The following CERS6 variants were observed in gnomAD, a reference collection of about 807,000 sequenced individuals.
CERS6 encodes the protein ceramide synthase 6.
Under a neutral mutation model 56.8 loss-of-function variants are expected in CERS6, and 26 were observed. The observed-to-expected ratio is 0.46, with a 90% CI of 0.34 to 0.63. CERS6 has a LOEUF of 0.63. Ranked by LOEUF, CERS6 falls within the 30% of genes least tolerant of loss-of-function variation. The probability of loss-of-function intolerance (pLI) is 0.01; values close to 1 mark genes in which losing one functional copy is unlikely to be tolerated. For missense variants in CERS6, 415 were observed against 467.5 expected (o/e 0.89, Z 1.04); for synonymous variants, 164 against 173.3 (o/e 0.95, Z 0.42).
intron 6 of CERS6, among the ~76,000 whole-genome samples, chr2:168,706,434 C>G (rs2105378355): frequency 6.6e-6 from 1 of 152,292 alleles, no homozygotes; most frequent in Non-Finnish European, 1.5e-5. Flanking sequence ...TGGGTAAACT[C>G]TGCTTATACA....
At chr2:168,744,198 G>A (rs950640118) in intron 8 of CERS6, among the ~76,000 whole-genome samples, 1 of 151,356 alleles carries the variant, frequency 6.6e-6, no homozygotes, top group Non-Finnish European at 1.5e-5. Flanking sequence ...GTAGAGACGG[G>A]GTTTCACCGT....
chr2:168,550,579 G>A (rs1479746082), intron 2 of CERS6, among the ~76,000 whole-genome samples: 1 of 152,200 alleles, frequency 6.6e-6, no homozygotes, highest in East Asian at 1.9e-4. Flanking sequence ...GCCCCACCCT[G>A]TGACTTAGTG....
intron 2 of CERS6, among the ~76,000 whole-genome samples, chr2:168,560,849 C>T (rs1428704241): frequency 6.6e-6 from 1 of 152,032 alleles, no homozygotes; most frequent in African/African-American, 2.4e-5. Context: ...CAATGGACTC[C>T]CTTCCTTTGA....
chr2:168,609,185 A>T (rs1187158987), intron 3 of CERS6, among the ~76,000 whole-genome samples: 1 of 152,068 alleles, frequency 6.6e-6, no homozygotes, highest in Non-Finnish European at 1.5e-5. Flanking sequence ...TTTCTTACTG[A>T]TTGCCTCCCC....
intron 4 of CERS6, among the ~76,000 whole-genome samples, chr2:168,640,014 C>T (rs1574120600): frequency 2.0e-5 from 3 of 152,172 alleles, no homozygotes; most frequent in South Asian, 4.2e-4. Context: ...ACAAGGTGAC[C>T]ATTTTGTGCC....
chr2:168,743,703 A>G (rs1418368774), intron 8 of CERS6, among the ~76,000 whole-genome samples: 1 of 152,186 alleles, frequency 6.6e-6, no homozygotes, highest in Non-Finnish European at 1.5e-5. Context: ...TTTGTTAAGT[A>G]AAAGTCTGTA....
intron 6 of CERS6, among the ~76,000 whole-genome samples, chr2:168,709,424 G>T (rs1687035132): frequency 1.3e-5 from 2 of 151,988 alleles, no homozygotes; most frequent in South Asian, 4.1e-4. Context: ...TTTCCCCCTT[G>T]TCTCTGATAA....
intron 1 of CERS6, among the ~76,000 whole-genome samples, chr2:168,544,647 C>G (rs1441107162): frequency 6.6e-6 from 1 of 152,190 alleles, no homozygotes; most frequent in African/African-American, 2.4e-5. Flanking sequence ...CCCGATCACA[C>G]TGCTGGTATG....
At chr2:168,758,340 T>C (rs909358970) in intron 8 of CERS6, among the ~76,000 whole-genome samples, 1 of 152,242 alleles carries the variant, frequency 6.6e-6, no homozygotes, top group Non-Finnish European at 1.5e-5. Context: ...TGACATTCTG[T>C]AGCACTCCTT....
At chr2:168,720,198 G>A (rs1687327293) in intron 8 of CERS6, among the ~76,000 whole-genome samples, 1 of 151,722 alleles carries the variant, frequency 6.6e-6, no homozygotes. Flanking sequence ...CCAAAGTGCT[G>A]GGATTACAGG....
At chr2:168,503,603 G>A (rs1694622823) in intron 1 of CERS6, among the ~76,000 whole-genome samples, 1 of 152,170 alleles carries the variant, frequency 6.6e-6, no homozygotes, top group Non-Finnish European at 1.5e-5. Context: ...CAGTTCTTGA[G>A]CTATGGAGTC....
At chr2:168,626,307 C>G (rs1483389257) in intron 3 of CERS6, among the ~76,000 whole-genome samples, 1 of 152,056 alleles carries the variant, frequency 6.6e-6, no homozygotes, top group East Asian at 1.9e-4. Context: ...CCCTGGTCTC[C>G]CTAGAACATG....
At position 168,631,049 on chromosome 2, in the gene CERS6, T is replaced by G. The variant is rs769827951; in HGVS notation, c.465+7T>G. ...AGTCAGATTCCTGAAAAAGGTAGGA[T>G]CTCTCAAACTATTTTACATGATTCT... On this transcript the variant is annotated splice_region_variant and intron_variant, in intron 4 of 9. Transcript: ENST00000305747. The G allele has an allele frequency of 7.0e-7, 1 of 1,437,462 alleles. No homozygotes were observed. The highest frequency in any genetic ancestry group is 9.6e-7 in the Non-Finnish European group (1 of 1,041,004). 89.0% of individuals were successfully genotyped at this position (1,437,462 alleles called of 1,614,324 possible). A position where few individuals can be genotyped will look rare whatever the true frequency, so the allele number is the denominator to read the frequency against.
At chr2:168,529,340 C>T (rs1204920283) in intron 1 of CERS6, among the ~76,000 whole-genome samples, 2 of 152,074 alleles carry the variant, frequency 1.3e-5, no homozygotes, top group Non-Finnish European at 2.9e-5. Flanking sequence ...TTAATGAAAA[C>T]CTTTATGGAG....
intron 4 of CERS6, among the ~76,000 whole-genome samples, chr2:168,638,714 T>A (rs188861477): frequency 1.3e-5 from 2 of 152,340 alleles, no homozygotes; most frequent in East Asian, 3.9e-4. Context: ...TTATAAAATT[T>A]TCTGTAAAGA....
intron 4 of CERS6, among the ~76,000 whole-genome samples, chr2:168,682,906 C>A (rs1435092658): frequency 6.6e-6 from 1 of 152,146 alleles, no homozygotes; most frequent in Non-Finnish European, 1.5e-5. Context: ...TCTAGAGAAT[C>A]CCAAATTAAG....
chr2:168,517,323 C>A (rs1255703541), intron 1 of CERS6, among the ~76,000 whole-genome samples: 1 of 151,576 alleles, frequency 6.6e-6, no homozygotes, highest in East Asian at 1.9e-4. Context: ...GAAACCCCAC[C>A]TCTACTAAAA....
intron 1 of CERS6, among the ~76,000 whole-genome samples, chr2:168,525,141 A>G (rs1043909289): frequency 6.6e-6 from 1 of 152,152 alleles, no homozygotes; most frequent in Non-Finnish European, 1.5e-5. Context: ...GCTTTAGAGA[A>G]TTCCTTCATT....
chr2:168,670,931 G>A (rs958853184), intron 4 of CERS6, among the ~76,000 whole-genome samples: 4 of 140,508 alleles, frequency 2.8e-5, no homozygotes, highest in African/African-American at 7.7e-5. Flanking sequence ...TACCTGTAAC[G>A]CTGCCTGGCA....
Sources: gnomAD v4.1 joint callset for allele counts (sites outside exome capture counted in the v4.1 genomes callset) on GRCh38, gnomAD v4.1.1 for gene constraint, MANE v1.5 for transcripts, NCBI Gene and HGNC (gene_info 2026-07-23, HGNC 2026-07-21) for gene names.